The following METTL24 variants were observed in gnomAD, a reference collection of about 807,000 sequenced individuals.
METTL24 encodes probable methyltransferase-like protein 24.
METTL24 carries 29 observed loss-of-function variants against 32.7 expected under a neutral mutation model. The ratio of observed to expected loss-of-function variants is 0.89; its 90% CI spans 0.66 to 1.21. The LOEUF (loss-of-function observed/expected upper bound fraction) is 1.21, where lower values mean the gene tolerates loss of function less well. METTL24 is among the 50% of genes most tolerant of loss of function. The pLI is 0.00. For synonymous variants in METTL24, 163 were observed against 179.5 expected, an observed-to-expected ratio of 0.91 and a Z score of 0.73; for missense variants, 439 against 468.1, an observed-to-expected ratio of 0.94 and a Z score of 0.57.
intron 1 of METTL24, among the ~76,000 whole-genome samples, chr6:110,328,563 G>T (rs1190141715): frequency 6.6e-6 from 1 of 152,052 alleles, no homozygotes; most frequent in African/African-American, 2.4e-5. Context: ...TGAGGCTTTG[G>T]GATATTTTTG....
At chr6:110,339,475 G>A (rs889190686) in intron 1 of METTL24, among the ~76,000 whole-genome samples, 1 of 152,124 alleles carries the variant, frequency 6.6e-6, no homozygotes, top group African/African-American at 2.4e-5. Context: ...TGAGGTAACT[G>A]CAAAAAAGAA....
intron 3 of METTL24, among the ~76,000 whole-genome samples, chr6:110,302,439 G>GTA (rs1471181162): frequency 7.6e-6 from 1 of 131,704 alleles, no homozygotes; most frequent in African/African-American, 3.3e-5. Context: ...ACACATATGT[G>GTA]TATATATACA....
intron 4 of METTL24, among the ~76,000 whole-genome samples, chr6:110,270,117 G>T (rs1466616935): frequency 5.9e-5 from 9 of 152,128 alleles, no homozygotes; most frequent in Non-Finnish European, 8.8e-5. Context: ...ACATATAATG[G>T]ATTTTTTTGA....
At chr6:110,333,661 C>G (rs796502301) in intron 1 of METTL24, among the ~76,000 whole-genome samples, 16 of 152,210 alleles carry the variant, frequency 1.1e-4, no homozygotes, top group African/African-American at 3.9e-4. Flanking sequence ...AGGCTGGTCT[C>G]AAGCTCGTGA....
At chr6:110,342,746 T>G (rs1772384773) in intron 1 of METTL24, among the ~76,000 whole-genome samples, 1 of 152,204 alleles carries the variant, frequency 6.6e-6, no homozygotes, top group Non-Finnish European at 1.5e-5. Context: ...ACCACTAATC[T>G]ACTTTCTGTC....
chr6:110,289,438 T>C (rs1771280385), intron 4 of METTL24, among the ~76,000 whole-genome samples: 1 of 151,054 alleles, frequency 6.6e-6, no homozygotes, highest in African/African-American at 2.4e-5. Context: ...AACAGATGGA[T>C]AGGAAAAATA....
intron 4 of METTL24, among the ~76,000 whole-genome samples, chr6:110,290,806 G>A (rs887821838): frequency 3.3e-5 from 5 of 152,130 alleles, no homozygotes; most frequent in Non-Finnish European, 5.9e-5. Context: ...CTTTTCCTAA[G>A]AGGTTGCATT....
At chr6:110,246,439 T>C (rs181500230) in intron 4 of METTL24, among the ~76,000 whole-genome samples, 179 bp from the exon 5 acceptor site, 2 of 152,300 alleles carry the variant, frequency 1.3e-5, no homozygotes, top group Admixed American at 1.3e-4. Flanking sequence ...CCCTACTAAA[T>C]GTTTTGGTTT....
intron 4 of METTL24, among the ~76,000 whole-genome samples, chr6:110,279,718 C>G (rs1444913206): frequency 3.3e-5 from 5 of 152,250 alleles, no homozygotes; most frequent in African/African-American, 7.2e-5. Context: ...AAGTGTCTTT[C>G]TCCCACCCCA....
At chr6:110,248,227 G>A (rs1778206026) in intron 4 of METTL24, among the ~76,000 whole-genome samples, 1 of 152,158 alleles carries the variant, frequency 6.6e-6, no homozygotes, top group Non-Finnish European at 1.5e-5. Flanking sequence ...AAGCCTCTTT[G>A]CTTTATAAAT....
At chr6:110,311,482 T>G (rs1441409730) in intron 3 of METTL24, among the ~76,000 whole-genome samples, 8 of 140,698 alleles carry the variant, frequency 5.7e-5, no homozygotes, top group Admixed American at 1.4e-4. Flanking sequence ...TTTTTTTTTT[T>G]TTTTTTTTTG....
chr6:110,294,485 G>T (rs891678164), intron 4 of METTL24, among the ~76,000 whole-genome samples: 2 of 151,756 alleles, frequency 1.3e-5, no homozygotes, highest in South Asian at 4.2e-4. Flanking sequence ...GCAAAAAGAG[G>T]GGGGAATACT....
chr6:110,260,340 C>T (rs923125621), intron 4 of METTL24, among the ~76,000 whole-genome samples: 1 of 152,006 alleles, frequency 6.6e-6, no homozygotes, highest in Non-Finnish European at 1.5e-5. Context: ...TCAGCTGATT[C>T]GATCAACTGG....
intron 4 of METTL24, among the ~76,000 whole-genome samples, chr6:110,247,665 T>C (rs536005182): frequency 3.9e-5 from 6 of 152,170 alleles, no homozygotes; most frequent in Admixed American, 6.5e-5. Flanking sequence ...CAGCAGAACC[T>C]TAAGCAGCCC....
chr6:110,357,490 G>A (rs1314731198), intron 1 of METTL24: 1 of 152,344 alleles, frequency 6.6e-6, no homozygotes, highest in Admixed American at 6.5e-5. Flanking sequence ...TGAAGGCAGT[G>A]GCGTGGACAG....
At chr6:110,303,077 CT>C (rs1000438101) in intron 3 of METTL24, among the ~76,000 whole-genome samples, 8 of 152,070 alleles carry the variant, frequency 5.3e-5, no homozygotes, top group Non-Finnish European at 1.2e-4. Context: ...AATCCCTCCC[CT>C]AGTCAAGGGA....
At chr6:110,295,004 TCTTTCTTTC>T (rs1357789170) in intron 4 of METTL24, among the ~76,000 whole-genome samples, 31 of 146,914 alleles carry the variant, frequency 2.1e-4, no homozygotes, top group African/African-American at 8.1e-4. Flanking sequence ...TTTCTTTTTT[TCTTTCTTTC>T]TTTTTTTTTT....
At chr6:110,274,181 C>T (rs762519827) in intron 4 of METTL24, among the ~76,000 whole-genome samples, 28 of 152,148 alleles carry the variant, frequency 1.8e-4, no homozygotes, top group Non-Finnish European at 3.7e-4. Context: ...CAACCTCTGC[C>T]TTCCGGGTTC....
intron 1 of METTL24, among the ~76,000 whole-genome samples, chr6:110,337,207 T>C (rs1772254409): frequency 6.6e-6 from 1 of 152,104 alleles, no homozygotes; most frequent in Non-Finnish European, 1.5e-5. Flanking sequence ...CACTTAGAAG[T>C]GGGAGCTAAA....
Sources: gnomAD v4.1 joint callset for allele counts (sites outside exome capture counted in the v4.1 genomes callset) on GRCh38, gnomAD v4.1.1 for gene constraint, MANE v1.5 for transcripts, NCBI Gene and HGNC (gene_info 2026-07-23, HGNC 2026-07-21) for gene names.